Variants in NREP observed in about 807,000 individuals in gnomAD.
NREP encodes the protein neuronal regeneration-related protein.
NREP carries 5 observed loss-of-function variants against 8.6 expected under a neutral mutation model. The ratio of observed to expected loss-of-function variants is 0.58; its 90% CI spans 0.30 to 1.22. The LOEUF is 1.22. Ranked by LOEUF, NREP falls within the 50% of genes most tolerant of loss-of-function variation. The pLI is 0.07. For synonymous variants in NREP, 27 were observed against 28.0 expected, an observed-to-expected ratio of 0.96 and a Z score of 0.11; for missense variants, 86 against 82.5, an observed-to-expected ratio of 1.04 and a Z score of -0.17.
intron 2 of NREP, among the ~76,000 whole-genome samples, chr5:111,942,962 T>G (rs1429623043): frequency 6.6e-6 from 1 of 151,828 alleles, no homozygotes; most frequent in Non-Finnish European, 1.5e-5. Context: ...GAACAGCATC[T>G]GGCACTAGGC....
intron 2 of NREP, among the ~76,000 whole-genome samples, chr5:111,812,859 G>A (rs1284980679): frequency 6.6e-6 from 1 of 152,102 alleles, no homozygotes; most frequent in South Asian, 2.1e-4. Context: ...CTTCATACAT[G>A]TCATGATTTC....
chr5:111,779,955 G>A (rs1751454789), intron 2 of NREP, among the ~76,000 whole-genome samples: 1 of 152,150 alleles, frequency 6.6e-6, no homozygotes, highest in Admixed American at 6.6e-5. Flanking sequence ...AATGTCTGAG[G>A]CTGAGGCTTT....
intron 2 of NREP, among the ~76,000 whole-genome samples, chr5:111,849,118 T>A (rs997224073): frequency 6.6e-6 from 1 of 152,126 alleles, no homozygotes; most frequent in African/African-American, 2.4e-5. Context: ...AAGTGGTACA[T>A]GTGACAAGCA....
chr5:111,796,567 A>C (rs1032642748), intron 2 of NREP, among the ~76,000 whole-genome samples: 11 of 152,198 alleles, frequency 7.2e-5, no homozygotes, highest in Admixed American at 1.3e-4. Context: ...GCATCATATT[A>C]TGAGACAGAG....
chr5:111,836,776 A>C (rs1201813578), intron 2 of NREP, among the ~76,000 whole-genome samples: 1 of 152,096 alleles, frequency 6.6e-6, no homozygotes, highest in Non-Finnish European at 1.5e-5. Context: ...CTGGTAACTG[A>C]GGAGGAAAAA....
Position 111,745,893 on chromosome 5 carries a change from C to T in NREP, c.3+9877G>A, listed in dbSNP as rs1356774749. On this transcript the variant is annotated intron_variant, in intron 2 of 3. Transcript: ENST00000257435. ...TTTAATTAATGTATTAGAAATCCAG[C>T]CAGTTCTAAAGATGGACAAATGGAA... 2.6e-5 allele frequency among the ~76,000 whole-genome samples: 4 copies of T among 152,178 alleles called. No individual in the cohort carries two copies. The South Asian group carries it at 6.2e-4, about 24-fold the overall frequency.
intron 2 of NREP, among the ~76,000 whole-genome samples, chr5:111,907,360 G>A (rs1180813190): frequency 6.6e-6 from 1 of 152,036 alleles, no homozygotes; most frequent in African/African-American, 2.4e-5. Context: ...TCGTATCTGT[G>A]AAATCTGTAA....
At chr5:111,908,646 C>T (rs143018663) in intron 2 of NREP, among the ~76,000 whole-genome samples, 35 of 149,350 alleles carry the variant, frequency 2.3e-4, no homozygotes, top group African/African-American at 8.9e-4. Flanking sequence ...ATGTTGTATA[C>T]ATACCACTTT....
At chr5:111,746,110 TTA>T (rs1749985874) in intron 2 of NREP, among the ~76,000 whole-genome samples, 1 of 152,138 alleles carries the variant, frequency 6.6e-6, no homozygotes, top group African/African-American at 2.4e-5. Flanking sequence ...TTCACAATGA[TTA>T]TCAGATGAAT....
upstream of NREP, chr5:111,757,776 C>T: frequency 8.2e-6 from 8 of 978,954 alleles, no homozygotes; most frequent in Non-Finnish European, 9.7e-6. Context: ...CCTCCCCGCC[C>T]CCGGCCAGCC....
At chr5:111,793,274 C>T (rs966495979) in intron 2 of NREP, among the ~76,000 whole-genome samples, 23 of 151,976 alleles carry the variant, frequency 1.5e-4, no homozygotes, top group Admixed American at 2.0e-4. Context: ...TATGTGATTA[C>T]GGAGGCTGAG....
intron 1 of NREP, chr5:111,976,623 T>A: frequency 1.8e-6 from 2 of 1,097,824 alleles, no homozygotes; most frequent in Admixed American, 4.4e-5. Flanking sequence ...GAGAGGTCAG[T>A]GAGGCAGAGA....
At chr5:111,837,302 C>A (rs1242257616) in intron 2 of NREP, among the ~76,000 whole-genome samples, 1 of 151,912 alleles carries the variant, frequency 6.6e-6, no homozygotes, top group Non-Finnish European at 1.5e-5. Context: ...CTCCAGAAAG[C>A]AGAAAGTTTT....
intron 2 of NREP, among the ~76,000 whole-genome samples, chr5:111,807,942 A>G (rs73789504): frequency 0.053 from 8,074 of 152,190 alleles, 666 homozygotes; most frequent in African/African-American, 0.17. Flanking sequence ...TAACAACAAC[A>G]ACAACAAAAC....
At chr5:111,747,131 T>C (rs1390675868) in intron 2 of NREP, among the ~76,000 whole-genome samples, 3 of 152,076 alleles carry the variant, frequency 2.0e-5, no homozygotes, top group Admixed American at 6.6e-5. Context: ...GTGGAGGAAA[T>C]AGTTAATATC....
intron 2 of NREP, among the ~76,000 whole-genome samples, chr5:111,771,691 A>G (rs1297413638): frequency 1.3e-5 from 2 of 148,600 alleles, no homozygotes; most frequent in African/African-American, 5.0e-5. Flanking sequence ...TGAACCCGGG[A>G]GGTGGAGGTT....
intron 2 of NREP, among the ~76,000 whole-genome samples, chr5:111,966,087 T>C (rs1459470369): frequency 2.0e-5 from 3 of 152,178 alleles, no homozygotes; most frequent in Non-Finnish European, 4.4e-5. Flanking sequence ...CAGAACTTTG[T>C]GTCCCTGAAT....
intron 2 of NREP, among the ~76,000 whole-genome samples, chr5:111,833,613 T>C (rs898716158): frequency 5.9e-5 from 9 of 152,134 alleles, no homozygotes; most frequent in African/African-American, 1.9e-4. Context: ...GGGGACAGGA[T>C]TGAGGTCAGT....
intron 2 of NREP, among the ~76,000 whole-genome samples, chr5:111,835,821 T>A (rs371853031): frequency 1.4e-3 from 206 of 152,092 alleles, no homozygotes; most frequent in African/African-American, 4.5e-3. Context: ...CTGTATAAAG[T>A]TCATAGGGAA....
Sources: allele counts gnomAD v4.1 joint callset (sites outside exome capture counted in the v4.1 genomes callset), GRCh38; gene constraint gnomAD v4.1.1; transcripts MANE v1.5; gene names NCBI Gene and HGNC (gene_info 2026-07-23, HGNC 2026-07-21).